FAM117A: variants seen among roughly 807,000 people sequenced by gnomAD.
The protein encoded by FAM117A is protein FAM117A.
Under a neutral mutation model 44.1 loss-of-function variants are expected in FAM117A, and 21 were observed. That is an observed-to-expected ratio of 0.48 (90% CI 0.34 to 0.69). The LOEUF (loss-of-function observed/expected upper bound fraction) is 0.69, where lower values mean the gene tolerates loss of function less well. FAM117A is among the 30% of genes least tolerant of loss of function. The pLI is 0.01. For synonymous variants in FAM117A, 220 were observed against 238.3 expected (o/e 0.92, Z 0.71); for missense variants, 498 against 589.9 (o/e 0.84, Z 1.61).
rs931380699 is a variant in FAM117A at position 49,763,878 on chromosome 17, C to G, written c.196+14G>C. 16 of 1,229,210 alleles carry G rather than the reference C, an allele frequency of 1.3e-5. No homozygotes were observed. In the Admixed American group the frequency reaches 1.7e-4, roughly 13 times the overall value. The allele number at this position is 1,229,210 out of a possible 1,614,324, so 76.1% of individuals were successfully genotyped here. On this transcript the variant is annotated intron_variant, in intron 1 of 7. Coordinates refer to ENST00000240364, the MANE Select transcript of FAM117A (RefSeq NM_030802.4). ...ATGGCTCCTTCCACGGCACCCGCTC[C>G]AGGCCCGGCTCACCTGCACGGCCAC...
At chr17:49,770,320 A>C (rs2073757325) in intron 1 of FAM117A, among the ~76,000 whole-genome samples, 1 of 151,988 alleles carries the variant, frequency 6.6e-6, no homozygotes, top group African/African-American at 2.4e-5. Flanking sequence ...TTTCAGCAAC[A>C]AAAAGGAACA....
chr17:49,768,488 C>T (rs964322706), upstream of FAM117A, among the ~76,000 whole-genome samples: 14 of 152,146 alleles, frequency 9.2e-5, no homozygotes, highest in Admixed American at 5.2e-4. Context: ...TAAGTGCTTA[C>T]GTCTTTGCTC....
intron 1 of FAM117A, among the ~76,000 whole-genome samples, chr17:49,740,336 G>A (rs1030350529): frequency 1.3e-5 from 2 of 151,292 alleles, no homozygotes; most frequent in Non-Finnish European, 2.9e-5. Flanking sequence ...TGCAAGCTCC[G>A]CCTCCCGGGT....
chr17:49,779,119 CG>C (rs778382089), intron 1 of FAM117A, among the ~76,000 whole-genome samples: 6 of 152,124 alleles, frequency 3.9e-5, no homozygotes, highest in Non-Finnish European at 8.8e-5. Flanking sequence ...AGTGAAGCTG[CG>C]GCACTGAGAA....
chr17:49,728,719 C>T (rs1000431021), intron 2 of FAM117A, among the ~76,000 whole-genome samples: 1 of 152,230 alleles, frequency 6.6e-6, no homozygotes, highest in Non-Finnish European at 1.5e-5. Context: ...GCATGTACTG[C>T]CCTCACCCAC....
intron 1 of FAM117A, among the ~76,000 whole-genome samples, chr17:49,769,659 C>T (rs1050989135): frequency 2.0e-5 from 3 of 151,950 alleles, no homozygotes; most frequent in East Asian, 1.9e-4. Context: ...GAGCTGAGAT[C>T]GCGCCACTGC....
intron 1 of FAM117A, among the ~76,000 whole-genome samples, chr17:49,786,776 CA>C (rs2073809343): frequency 8.7e-6 from 1 of 114,288 alleles, no homozygotes; most frequent in Non-Finnish European, 1.6e-5. Flanking sequence ...AACCCTGTCT[CA>C]GAAAAAAAAA....
chr17:49,749,734 A>G (rs535037221), intron 1 of FAM117A, among the ~76,000 whole-genome samples: 4 of 148,398 alleles, frequency 2.7e-5, no homozygotes, highest in African/African-American at 9.7e-5. Flanking sequence ...TGCTGACTCC[A>G]CTGCTGGGTC....
chr17:49,786,562 AGGT>A (rs2143812500), intron 1 of FAM117A, among the ~76,000 whole-genome samples: 1 of 152,042 alleles, frequency 6.6e-6, no homozygotes, highest in African/African-American at 2.4e-5. Context: ...GGATCACCTG[AGGT>A]CAGGAGTTCA....
chr17:49,716,349 T>C, intron 6 of FAM117A, 34 bp from the exon 7 acceptor site: 1 of 1,498,660 alleles, frequency 6.7e-7, no homozygotes, highest in Non-Finnish European at 8.9e-7. Context: ...CTAGTGGAGA[T>C]GAAGGGAAGG....
At chr17:49,738,535 A>G (rs1193048657) in intron 1 of FAM117A, among the ~76,000 whole-genome samples, 1 of 152,218 alleles carries the variant, frequency 6.6e-6, no homozygotes, top group African/African-American at 2.4e-5. Flanking sequence ...ACTACATCTA[A>G]ATCAAACAGG....
chr17:49,718,854 G>A (rs1598019388), intron 5 of FAM117A, among the ~76,000 whole-genome samples: 1 of 151,732 alleles, frequency 6.6e-6, no homozygotes, highest in East Asian at 1.9e-4. Flanking sequence ...GCGCATGCCT[G>A]TAGTCCCAGC....
chr17:49,768,412 C>T (rs1037424323), upstream of FAM117A, among the ~76,000 whole-genome samples: 29 of 152,184 alleles, frequency 1.9e-4, 1 homozygote, highest in Non-Finnish European at 4.4e-5. Flanking sequence ...AATTATTCAG[C>T]GGGCTAGAGA....
At chr17:49,753,928 C>CT (rs976359565) in intron 1 of FAM117A, among the ~76,000 whole-genome samples, 2 of 152,174 alleles carry the variant, frequency 1.3e-5, no homozygotes, top group African/African-American at 4.8e-5. Context: ...TTGTCTTCCT[C>CT]TGTGAACACG....
At chr17:49,738,830 T>TA (rs1232450135) in intron 1 of FAM117A, among the ~76,000 whole-genome samples, 2 of 152,024 alleles carry the variant, frequency 1.3e-5, no homozygotes, top group African/African-American at 2.4e-5. Context: ...TTTAATAGTT[T>TA]AAAAAAAACT....
intron 1 of FAM117A, among the ~76,000 whole-genome samples, chr17:49,735,189 A>G (rs1598025858): frequency 6.6e-6 from 1 of 152,182 alleles, no homozygotes; most frequent in East Asian, 1.9e-4. Flanking sequence ...AATAAAAAAA[A>G]GGACACTAAC....
chr17:49,753,748 C>T (rs1230361918), intron 1 of FAM117A, among the ~76,000 whole-genome samples: 1 of 152,210 alleles, frequency 6.6e-6, no homozygotes, highest in Non-Finnish European at 1.5e-5. Context: ...TGTGCCACTG[C>T]ACTCCAGCCT....
chr17:49,731,597 T>C (rs1316863142), intron 2 of FAM117A, among the ~76,000 whole-genome samples: 1 of 152,198 alleles, frequency 6.6e-6, no homozygotes, highest in African/African-American at 2.4e-5. Flanking sequence ...AGTCCTTGAA[T>C]GGGTACACTG....
At chr17:49,757,798 A>C (rs1238897506) in intron 1 of FAM117A, among the ~76,000 whole-genome samples, 1 of 152,214 alleles carries the variant, frequency 6.6e-6, no homozygotes, top group Non-Finnish European at 1.5e-5. Context: ...CCCTCTGTGA[A>C]GATTGAACCT....
Sources: allele counts gnomAD v4.1 joint callset (sites outside exome capture counted in the v4.1 genomes callset), GRCh38; gene constraint gnomAD v4.1.1; transcripts MANE v1.5; gene names NCBI Gene and HGNC (gene_info 2026-07-23, HGNC 2026-07-21).